Variants in NT5C1B observed in about 807,000 individuals in gnomAD.
NT5C1B encodes the protein 5'-nucleotidase, cytosolic IB, also known as cytosolic 5'-nucleotidase 1B.
NT5C1B carries 44 observed loss-of-function variants against 57.8 expected under a neutral mutation model. The ratio of observed to expected loss-of-function variants is 0.76; its 90% confidence interval spans 0.60 to 0.98. The LOEUF is 0.98. Among genes scored for constraint, NT5C1B ranks in the 50% least tolerant of loss-of-function variants. NT5C1B has a pLI of 0.00. For synonymous variants in NT5C1B, 284 were observed against 282.6 expected, an observed-to-expected ratio of 1.00 and a Z score of -0.05; for missense variants, 742 against 719.5, an observed-to-expected ratio of 1.03 and a Z score of -0.36.
intron 8 of NT5C1B, among the ~76,000 whole-genome samples, chr2:18,570,710 G>GT (rs1253978360): frequency 6.6e-6 from 1 of 152,068 alleles, no homozygotes; most frequent in East Asian, 1.9e-4. Flanking sequence ...GTACTACCCT[G>GT]TTACTAAAGT....
At chr2:18,573,908 G>C (rs1160046418) in intron 8 of NT5C1B, among the ~76,000 whole-genome samples, 2 of 152,104 alleles carry the variant, frequency 1.3e-5, no homozygotes, top group Non-Finnish European at 2.9e-5. Context: ...CAATAAGTAG[G>C]GTTGGGATTC....
At position 18,584,683 on chromosome 2, in the gene NT5C1B, G is replaced by T. The variant is rs1666521659; in HGVS notation, c.554C>A (p.Ser185Tyr). ...GTAGATCCCCCTGCGCTGGCTGGAG[G>T]ACTTCCACTCGGTGGGGGACGTGCG... Residue 185 changes from serine to tyrosine, a missense_variant, in exon 4 of 9, where the codon TCC becomes TAC. Transcript: ENST00000304081. This position sits in a 1 kb window ranked among gnomAD's most constrained non-coding sequence, Gnocchi z 5.8. 3 of 1,612,016 alleles carry T rather than the reference G, an allele frequency of 1.9e-6. No homozygotes were observed. Among genetic ancestry groups the T allele is most frequent in the African/African-American group, 2.7e-5 (2 of 74,900 alleles).
Position 18,583,990 on chromosome 2 carries a change from G to A in NT5C1B, c.891+98C>T, listed in dbSNP as rs142586824. 112 of 1,603,604 alleles carry A rather than the reference G, an allele frequency of 7.0e-5. No individual in the cohort carries two copies. In the East Asian group the frequency reaches 2.4e-3, roughly 35 times the overall value. On this transcript the variant is annotated intron_variant, in intron 5 of 8. Transcript: ENST00000304081. Reference sequence around the variant, plus strand: ...AGACAAGAATGACAAGGGTGGGCTAGGAATGATCTGGGAAATTGGATGCCC... The same window carrying A: ...AGACAAGAATGACAAGGGTGGGCTAAGAATGATCTGGGAAATTGGATGCCC...
rs781062643 is a variant in NT5C1B, at chr2:18,584,499, G to T, written c.723+15C>A. Reference sequence around the variant, plus strand: ...GAAGGGCGCCCCGGCTGCCAGGGGCGGCGGGCTGGCTCACCGGCCAGGGGC... The same window carrying T: ...GAAGGGCGCCCCGGCTGCCAGGGGCTGCGGGCTGGCTCACCGGCCAGGGGC... On this transcript the variant is annotated intron_variant, in intron 4 of 8. Transcript: ENST00000304081. This position sits in a 1 kb window ranked among gnomAD's most constrained non-coding sequence, Gnocchi z 5.8. 44 of 1,602,538 alleles carry T rather than the reference G, an allele frequency of 2.7e-5. No individual in the cohort carries two copies. The highest frequency in any genetic ancestry group is 3.5e-5 in the Non-Finnish European group (41 of 1,175,338).
chr2:18,574,535 A>G (rs1665500480), intron 8 of NT5C1B, among the ~76,000 whole-genome samples: 1 of 152,124 alleles, frequency 6.6e-6, no homozygotes, highest in South Asian at 2.1e-4. Context: ...AAACTGCAGC[A>G]TTTACTACAG....
At chr2:18,576,043 G>T in intron 8 of NT5C1B, 141 bp downstream of exon 8, 1 of 867,598 alleles carries the variant, frequency 1.2e-6, no homozygotes, top group Non-Finnish European at 1.6e-6. Flanking sequence ...AAGAAAGAGA[G>T]AAAGCTCCAA....
chr2:18,570,008 AT>A (rs1302386885), intron 8 of NT5C1B, among the ~76,000 whole-genome samples: 1 of 152,148 alleles, frequency 6.6e-6, no homozygotes, highest in African/African-American at 2.4e-5. Flanking sequence ...ATGTTTTCTA[AT>A]CACAACACAA....
At position 18,587,465 on chromosome 2, in the gene NT5C1B, C is replaced by T. The variant is rs1401128720; in HGVS notation, c.120+38G>A. On this transcript the variant is annotated intron_variant, in intron 2 of 8. Transcript: ENST00000304081. Reference sequence around the variant, plus strand: ...AACATTTTCCATTATGCTTTCTGCTCCTTAATTTCCTCACCTCTGCTACAG... The same window carrying T: ...AACATTTTCCATTATGCTTTCTGCTTCTTAATTTCCTCACCTCTGCTACAG... The T allele has an allele frequency of 3.2e-5, 51 of 1,600,622 alleles. 1 individual carries two copies. Among genetic ancestry groups the T allele is most frequent in the Non-Finnish European group, 4.2e-5 (50 of 1,177,178 alleles).
At chr2:18,586,276 C>T in exon 3 of NT5C1B, 1 of 1,614,168 alleles carries the variant, frequency 6.2e-7, no homozygotes, top group Non-Finnish European at 8.5e-7. Flanking sequence ...GTTCCTGCTT[C>T]TAGGCTCATC....
rs974882954 is a variant in NT5C1B at position 18,584,383 on chromosome 2, G to T, written c.724-128C>A. ...TTGGAGAAGCGGGATGCTGGAGACA[G>T]CTGAGGCTGGGACTCCCCGAAGTTT... On this transcript the variant is annotated intron_variant, in intron 4 of 8. Coordinates refer to ENST00000304081, the Ensembl canonical transcript of NT5C1B. The surrounding 1 kb of genome is among the most constrained non-coding windows in gnomAD (Gnocchi z 5.8). The T allele has an allele frequency of 3.3e-6, 5 of 1,531,412 alleles. No homozygotes were observed. In the African/African-American group the frequency reaches 6.9e-5, roughly 21 times the overall value. 94.9% of individuals were successfully genotyped at this position (1,531,412 alleles called of 1,614,324 possible). A position where few individuals can be genotyped will look rare whatever the true frequency, so the allele number is the denominator to read the frequency against.
At position 18,584,006 on chromosome 2, in the gene NT5C1B, T is replaced by G. The variant is rs761765116; in HGVS notation, c.891+82A>C. 1.2e-6 allele frequency: 2 copies of G among 1,611,060 alleles called. No homozygotes were observed. The highest frequency in any genetic ancestry group is 3.3e-5 in the Admixed American group (2 of 59,982). On this transcript the variant is annotated intron_variant, in intron 5 of 8. Transcript: ENST00000304081. The surrounding 1 kb of genome is among the most constrained non-coding windows in gnomAD (Gnocchi z 5.8). Reference sequence around the variant, plus strand: ...GGTGGGCTAGGAATGATCTGGGAAATTGGATGCCCTCCCAAGGGTTGGCCT... The same window carrying G: ...GGTGGGCTAGGAATGATCTGGGAAAGTGGATGCCCTCCCAAGGGTTGGCCT...
chr2:18,566,854 A>G (rs752193596), intron 8 of NT5C1B, among the ~76,000 whole-genome samples: 41 of 152,338 alleles, frequency 2.7e-4, no homozygotes, highest in African/African-American at 9.9e-4. Flanking sequence ...AGCCCATCAA[A>G]GAGCTGAGAT....
At position 18,584,908 on chromosome 2, in the gene NT5C1B, G is replaced by A. The variant is rs551051421; in HGVS notation, c.329C>T (p.Pro110Leu). Residue 110 changes from proline to leucine, a missense_variant, in exon 4 of 9, where the codon CCG becomes CTG. Transcript: ENST00000304081. This position sits in a 1 kb window ranked among gnomAD's most constrained non-coding sequence, Gnocchi z 5.8. ...CTGGAGCGAGGGCTGCCCGGACAGCGGCGGCGGTGAGGAGTCATGCAGGCT... is the reference window on the plus strand; with the variant it reads ...CTGGAGCGAGGGCTGCCCGGACAGCAGCGGCGGTGAGGAGTCATGCAGGCT... 2.7e-5 allele frequency: 42 copies of A among 1,555,870 alleles called. No homozygotes were observed. The South Asian group carries it at 4.0e-4, about 15-fold the overall frequency.
intron 7 of NT5C1B, 118 bp from the exon 8 acceptor site, chr2:18,576,486 G>T: frequency 1.5e-6 from 2 of 1,364,118 alleles, no homozygotes; most frequent in Non-Finnish European, 2.0e-6. Context: ...TTACCTGATG[G>T]CTCAACTCCT....
intron 5 of NT5C1B, chr2:18,583,299 G>A (rs1015161398): frequency 3.8e-5 from 8 of 212,254 alleles, no homozygotes; most frequent in Non-Finnish European, 9.4e-6. Flanking sequence ...ACCCTTTTAT[G>A]CTTTGTCTAT....
intron 8 of NT5C1B, among the ~76,000 whole-genome samples, chr2:18,566,318 C>T (rs891523962): frequency 6.6e-6 from 1 of 152,128 alleles, no homozygotes; most frequent in Non-Finnish European, 1.5e-5. Context: ...GATTCAAAGG[C>T]TCCCTTCTTT....
At chr2:18,574,839 T>G (rs570806039) in intron 8 of NT5C1B, among the ~76,000 whole-genome samples, 2 of 152,056 alleles carry the variant, frequency 1.3e-5, no homozygotes, top group African/African-American at 4.8e-5. Context: ...ACAAAAAAAA[T>G]TTTAAAAGAC....
chr2:18,586,842 G>A lies in NT5C1B; in HGVS notation c.121-451C>T, dbSNP rs1304301360. 3.6e-6 allele frequency: 5 copies of A among 1,392,334 alleles called. No individual in the cohort carries two copies. The African/African-American group carries it at 7.2e-5, about 20-fold the overall frequency. The allele number at this position is 1,392,334 out of a possible 1,614,324, so 86.2% of individuals were successfully genotyped here. ...GGACTCTAAGGCAGCTGCTGAAAAG[G>A]AATGGAGCCCTCAAGCTTTTCTTTT... is the stretch of plus-strand genomic sequence containing the variant. On this transcript the variant is annotated intron_variant, in intron 2 of 8. Transcript: ENST00000304081.
intron 2 of NT5C1B, 35 bp downstream of exon 2, chr2:18,587,468 T>C (rs200498940): frequency 8.6e-5 from 137 of 1,601,342 alleles, no homozygotes; most frequent in Admixed American, 1.8e-4. Flanking sequence ...TTCTGCTCCT[T>C]AATTTCCTCA....
Sources: gnomAD v4.1 joint callset for allele counts (sites outside exome capture counted in the v4.1 genomes callset) on GRCh38, gnomAD v4.1.1 for gene constraint, Gnocchi (gnomAD v3.1) non-coding constraint, MANE v1.5 for transcripts, NCBI Gene and HGNC (gene_info 2026-07-23, HGNC 2026-07-21) for gene names.